WFDC9: variants seen among roughly 807,000 people sequenced by gnomAD.
WFDC9 encodes the protein WAP four-disulfide core domain 9, also known as protein WFDC9.
In WFDC9, 9 loss-of-function variants were observed where a neutral mutation model predicts 9.5. That is an observed-to-expected ratio of 0.95 (90% CI 0.57 to 1.65). The LOEUF (loss-of-function observed/expected upper bound fraction) is 1.65, where lower values mean the gene tolerates loss of function less well. Ranked by LOEUF, WFDC9 falls within the 40% of genes most tolerant of loss-of-function variation. The probability of loss-of-function intolerance (pLI) is 0.00; values close to 1 mark genes in which losing one functional copy is unlikely to be tolerated. For synonymous variants in WFDC9, 33 were observed against 32.3 expected, an observed-to-expected ratio of 1.02 and a Z score of -0.07; for missense variants, 87 against 106.7, an observed-to-expected ratio of 0.82 and a Z score of 0.81.
chr20:45,625,418 A>G (rs1982195822), intron 1 of WFDC9, among the ~76,000 whole-genome samples: 1 of 152,132 alleles, frequency 6.6e-6, no homozygotes, highest in African/African-American at 2.4e-5. Context: ...TGTCTTTTCA[A>G]TGTGTCGATT....
At position 45,629,891 on chromosome 20, in the gene WFDC9, G is replaced by C. The variant is rs1982314323; in HGVS notation, c.-153+1312C>G. 1.9e-6 allele frequency: 3 copies of C among 1,613,708 alleles called. No homozygotes were observed. Among genetic ancestry groups the C allele is most frequent in the Admixed American group, 1.7e-5 (1 of 59,986 alleles). On this transcript the variant is annotated intron_variant, in intron 1 of 4. Transcript: ENST00000326000. ...AGGCCCAGGGAGGATACCGTGACAA[G>C]AAGAGGATGCAGAGTAGGTGATGGG... is the stretch of plus-strand genomic sequence containing the variant.
intron 1 of WFDC9, among the ~76,000 whole-genome samples, chr20:45,616,906 G>C (rs1350664988): frequency 6.6e-6 from 1 of 152,198 alleles, no homozygotes; most frequent in Admixed American, 6.5e-5. Context: ...TTTTTGAAAT[G>C]ATAAATGAGC....
chr20:45,617,496 T>A (rs3092353), intron 1 of WFDC9, among the ~76,000 whole-genome samples: 4 of 151,982 alleles, frequency 2.6e-5, no homozygotes, highest in African/African-American at 9.7e-5. Flanking sequence ...ACTTTTGACT[T>A]CTCAAAAACC....
At chr20:45,625,545 A>G (rs981203130) in intron 1 of WFDC9, among the ~76,000 whole-genome samples, 30 of 152,092 alleles carry the variant, frequency 2.0e-4, no homozygotes, top group Admixed American at 1.9e-3. Flanking sequence ...AGATCATGAA[A>G]ATGTCCTGAA....
chr20:45,622,849 GTGA>G (rs1972984460), intron 1 of WFDC9, among the ~76,000 whole-genome samples: 1 of 152,286 alleles, frequency 6.6e-6, no homozygotes, highest in Admixed American at 6.5e-5. Context: ...TCATGTAAAT[GTGA>G]TGTTCACTGC....
chr20:45,611,102 C>T lies in WFDC9; in HGVS notation c.-58-863G>A, dbSNP rs1392223963. ...GACGACATTTCATGTTTCCAATGAA[C>T]CCTTGAAATCTCCCACGAAAGAGTC... On this transcript the variant is annotated intron_variant, in intron 2 of 4. Coordinates refer to ENST00000326000, the MANE Select transcript of WFDC9 (RefSeq NM_147198.4). Among the ~76,000 whole-genome samples, 6 of 152,288 alleles carry T rather than the reference C, an allele frequency of 3.9e-5. 1 individual carries two copies.
intron 1 of WFDC9, chr20:45,629,738 C>A (rs1982308944): frequency 2.0e-6 from 3 of 1,531,702 alleles, no homozygotes; most frequent in Non-Finnish European, 2.7e-6. Flanking sequence ...TTCCTTCCTT[C>A]ACTCTCCGTA....
At chr20:45,629,674 C>T in intron 1 of WFDC9, 1 of 1,103,076 alleles carries the variant, frequency 9.1e-7, no homozygotes. Context: ...GACTCTCTTG[C>T]TCTGCTCCGA....
At chr20:45,623,933 C>T (rs1982159489) in intron 1 of WFDC9, among the ~76,000 whole-genome samples, 1 of 152,210 alleles carries the variant, frequency 6.6e-6, no homozygotes, top group Non-Finnish European at 1.5e-5. Flanking sequence ...TGGCTCACGC[C>T]TGTTATCCCA....
chr20:45,617,442 G>T (rs751267441), intron 1 of WFDC9, among the ~76,000 whole-genome samples: 1 of 152,136 alleles, frequency 6.6e-6, no homozygotes. Flanking sequence ...GTGACAGAGC[G>T]AGACTCCATC....
chr20:45,629,749 G>T, intron 1 of WFDC9: 1 of 1,567,836 alleles, frequency 6.4e-7, no homozygotes, highest in East Asian at 2.3e-5. Context: ...ACTCTCCGTA[G>T]ACAGCTCTGC....
At chr20:45,617,492 G>C (rs1256992603) in intron 1 of WFDC9, among the ~76,000 whole-genome samples, 1 of 152,076 alleles carries the variant, frequency 6.6e-6, no homozygotes, top group Non-Finnish European at 1.5e-5. Context: ...TATAACTTTT[G>C]ACTTCTCAAA....
chr20:45,628,268 C>G (rs1049693250), intron 1 of WFDC9, among the ~76,000 whole-genome samples: 1 of 152,144 alleles, frequency 6.6e-6, no homozygotes, highest in African/African-American at 2.4e-5. Flanking sequence ...TAAAAGAAGT[C>G]AAGGACCCAG....
intron 1 of WFDC9, among the ~76,000 whole-genome samples, chr20:45,618,454 CTGT>C: frequency 6.6e-6 from 1 of 152,328 alleles, no homozygotes; most frequent in Middle Eastern, 3.4e-3. Flanking sequence ...CCTATCTCAG[CTGT>C]TAACATGCCT....
At chr20:45,628,636 A>G (rs538650801) in intron 1 of WFDC9, among the ~76,000 whole-genome samples, 1 of 152,352 alleles carries the variant, frequency 6.6e-6, no homozygotes, top group South Asian at 2.1e-4. Context: ...CTATAGGTAC[A>G]AATATCAGAA....
At chr20:45,629,807 CAG>C in intron 1 of WFDC9, 2 of 1,613,208 alleles carry the variant, frequency 1.2e-6, no homozygotes, top group Non-Finnish European at 8.5e-7. Context: ...ACGATCTGAT[CAG>C]AGTCATGGCA....
intron 3 of WFDC9, among the ~76,000 whole-genome samples, chr20:45,609,745 A>G (rs1458690908): frequency 6.6e-6 from 1 of 152,122 alleles, no homozygotes. Context: ...TTTGGCATTC[A>G]TCAAAGGCTC....
At position 45,630,994 on chromosome 20, in the gene WFDC9, G is replaced by A. The variant is rs754152815; in HGVS notation, c.-153+209C>T. On this transcript the variant is annotated intron_variant, in intron 1 of 4. Transcript: ENST00000326000. The stretch of plus-strand genomic sequence containing the variant: ...ACATATGCTGTTCTACCTACTGTGG[G>A]AATGTTTGCATGAGCATCCTGTGAG... 7.5e-6 allele frequency: 12 copies of A among 1,603,432 alleles called. No individual in the cohort carries two copies. In the Admixed American group the frequency reaches 1.9e-4, roughly 25 times the overall value.
In WFDC9 at chr20:45,610,183, G is replaced by T. The variant is rs756655541; in HGVS notation, c.-2C>A. 6.2e-7 allele frequency: 1 copy of T among 1,613,832 alleles called. No homozygotes were observed. Among genetic ancestry groups the T allele is most frequent in the South Asian group, 1.1e-5 (1 of 91,016 alleles). The stretch of plus-strand genomic sequence containing the variant: ...GAGTAGAAGAATCCAGGGCTTCATG[G>T]TGCTCTCTGTGTGTATTTGGGTTAA... On this transcript the variant is annotated 5_prime_UTR_variant, in exon 3 of 5. Transcript: ENST00000326000.
Sources: allele counts gnomAD v4.1 joint callset (sites outside exome capture counted in the v4.1 genomes callset), GRCh38; gene constraint gnomAD v4.1.1; transcripts MANE v1.5; gene names NCBI Gene and HGNC (gene_info 2026-07-23, HGNC 2026-07-21).